Variants in EML5 observed in about 807,000 individuals in gnomAD.
The protein encoded by EML5 is echinoderm microtubule-associated protein-like 5.
Under a neutral mutation model 250.0 loss-of-function variants are expected in EML5, and 120 were observed. The ratio of observed to expected loss-of-function variants is 0.48; its 90% CI spans 0.41 to 0.56. The LOEUF is 0.56. Among genes scored for constraint, EML5 ranks in the 20% least tolerant of loss-of-function variants. The pLI, the probability that EML5 is intolerant of heterozygous loss-of-function variation, is 0.00. For missense variants in EML5, 2,006 were observed against 2,437.6 expected (o/e 0.82, Z 3.73); for synonymous variants, 771 against 806.5 (o/e 0.96, Z 0.75).
At chr14:88,746,566 T>C (rs569788341) in intron 2 of EML5, among the ~76,000 whole-genome samples, 6 of 152,104 alleles carry the variant, frequency 3.9e-5, no homozygotes, top group African/African-American at 1.2e-4. Context: ...CTAAAAATAC[T>C]AGATAAAATG....
At chr14:88,669,959 A>G (rs1201226990) in intron 21 of EML5, among the ~76,000 whole-genome samples, 1 of 152,100 alleles carries the variant, frequency 6.6e-6, no homozygotes, top group Non-Finnish European at 1.5e-5. Flanking sequence ...GACCCAGGCA[A>G]AGAAGGTCTG....
intron 41 of EML5, 122 bp from the exon 42 acceptor site, chr14:88,617,001 A>G (rs1255402497): frequency 1.2e-6 from 1 of 849,626 alleles, no homozygotes; most frequent in Non-Finnish European, 1.8e-6. Flanking sequence ...TACAGGAAGT[A>G]AATTATGGTA....
chr14:88,617,095 T>G, intron 41 of EML5: 1 of 416,900 alleles, frequency 2.4e-6, no homozygotes, highest in Non-Finnish European at 4.3e-6. Context: ...GGTTTCTAGA[T>G]TAATCTTTTT....
intron 33 of EML5, among the ~76,000 whole-genome samples, chr14:88,632,177 T>C (rs1481553212): frequency 6.6e-6 from 1 of 152,178 alleles, no homozygotes; most frequent in African/African-American, 2.4e-5. Context: ...CACTATGTCA[T>C]ACGCCCATAC....
Position 88,792,815 on chromosome 14 carries a change from G to C in EML5, c.-312C>G. On this transcript the variant is annotated 5_prime_UTR_variant, in exon 1 of 44. Transcript: ENST00000554922. The surrounding 1 kb of genome is among the most constrained non-coding windows in gnomAD (Gnocchi z 6.9). ...CCCGTAGCGCCTGGGCCGAGAGCGA[G>C]GGCCCGCCTCCAGCTCCTCAGCCGC... 1 of 915,990 alleles carries C rather than the reference G, an allele frequency of 1.1e-6. No homozygotes were observed. Among genetic ancestry groups the C allele is most frequent in the Non-Finnish European group, 1.3e-6 (1 of 763,046 alleles). The allele number at this position is 915,990 out of a possible 1,614,324, so 56.7% of individuals were successfully genotyped here. A position where few individuals can be genotyped will look rare whatever the true frequency, so the allele number is the denominator to read the frequency against.
chr14:88,759,805 G>A lies in EML5; in HGVS notation c.198-5134C>T, dbSNP rs369551011. On this transcript the variant is annotated intron_variant, in intron 1 of 43. Transcript: ENST00000554922. ...TCAAGTTAGAGAAAAAGGATAGGGT[G>A]GGTCCGTGTTTAGATTTATAAGAAA... Among the ~76,000 whole-genome samples, 21 of 152,100 alleles carry A rather than the reference G, an allele frequency of 1.4e-4. No individual in the cohort carries two copies. In the East Asian group the frequency reaches 2.1e-3, roughly 15 times the overall value.
chr14:88,781,291 TA>T (rs2140772496), intron 1 of EML5, among the ~76,000 whole-genome samples: 1 of 152,336 alleles, frequency 6.6e-6, no homozygotes, highest in African/African-American at 2.4e-5. Context: ...AACTTTCCAG[TA>T]GGGTAAAACT....
At chr14:88,662,286 T>TA (rs5810420) in intron 24 of EML5, among the ~76,000 whole-genome samples, 47,725 of 103,330 alleles carry the variant, frequency 0.46, 9,273 homozygotes, top group East Asian at 0.63. Flanking sequence ...AGATAAAAAA[T>TA]AAAAAAAAAA....
At chr14:88,720,612 T>C (rs1381487628) in intron 8 of EML5, among the ~76,000 whole-genome samples, 1 of 152,148 alleles carries the variant, frequency 6.6e-6, no homozygotes, top group African/African-American at 2.4e-5. Flanking sequence ...AAACTAGATA[T>C]TGAAGGAACA....
At chr14:88,643,085 G>A (rs1392438524) in intron 30 of EML5, 63 bp from the exon 31 acceptor site, 3 of 1,450,592 alleles carry the variant, frequency 2.1e-6, no homozygotes, top group Non-Finnish European at 2.8e-6. Context: ...CCACTGTTTT[G>A]TTGTATACGT....
At chr14:88,653,801 C>A (rs2091749240) in intron 27 of EML5, among the ~76,000 whole-genome samples, 1 of 152,150 alleles carries the variant, frequency 6.6e-6, no homozygotes, top group Admixed American at 6.5e-5. Flanking sequence ...CAAGATGATG[C>A]AGACCTCATA....
At chr14:88,775,464 G>A (rs943852698) in intron 1 of EML5, among the ~76,000 whole-genome samples, 2 of 151,720 alleles carry the variant, frequency 1.3e-5, no homozygotes, top group African/African-American at 4.9e-5. Flanking sequence ...AGGGAACATT[G>A]GCAGTAGTCT....
chr14:88,614,959 AAT>A lies in EML5; in HGVS notation c.*857_*858del, dbSNP rs1202063655. 5 of 151,846 alleles carry A rather than the reference AAT, an allele frequency of 3.3e-5. No homozygotes were observed. 9.4% of individuals were successfully genotyped at this position (151,846 alleles called of 1,614,324 possible). A position where few individuals can be genotyped will look rare whatever the true frequency, so the allele number is the denominator to read the frequency against. On this transcript the variant is annotated 3_prime_UTR_variant, in exon 44 of 44. Coordinates refer to ENST00000554922, the MANE Select transcript of EML5 (RefSeq NM_183387.3). ...AACACTTTTGTTTACATGTTAAACAAATGTGTATATATTAGACTACATTAAAT... is the reference window on the plus strand; with the variant it reads ...AACACTTTTGTTTACATGTTAAACAAGTGTATATATTAGACTACATTAAAT...
chr14:88,706,004 T>C, intron 11 of EML5: 2 of 532,130 alleles, frequency 3.8e-6, no homozygotes, highest in Admixed American at 3.4e-5. Flanking sequence ...AAATGTTTGT[T>C]TTGCTATTAA....
rs146630689 is a variant in EML5 at position 88,711,188 on chromosome 14, A to G, written c.1657+1083T>C. 1.0e-3 allele frequency among the ~76,000 whole-genome samples: 156 copies of G among 151,636 alleles called. 1 individual carries two copies. The highest frequency in any genetic ancestry group is 3.2e-3 in the African/African-American group (132 of 41,228). On this transcript the variant is annotated intron_variant, in intron 10 of 43. Transcript: ENST00000554922. ...AGAAATAGGGTACTTTAATTGTTAG[A>G]TATTTAGCCAGTCTTTTGATATGGT...
chr14:88,712,816 G>A (rs1207859083), intron 9 of EML5, among the ~76,000 whole-genome samples: 2 of 152,064 alleles, frequency 1.3e-5, no homozygotes, highest in African/African-American at 2.4e-5. Flanking sequence ...TATAAAAAAG[G>A]TAAAAGCTAT....
At chr14:88,719,737 C>T (rs899853190) in intron 8 of EML5, among the ~76,000 whole-genome samples, 1 of 151,712 alleles carries the variant, frequency 6.6e-6, no homozygotes, top group African/African-American at 2.4e-5. Context: ...AAAGGACTTT[C>T]CAATGCTACT....
In EML5 at chr14:88,616,788, G is replaced by T; in HGVS notation, c.5734C>A (p.Leu1912Ile). Residue 1912 changes from leucine to isoleucine, a missense_variant, in exon 42 of 44, where the codon CTT becomes ATT. By Grantham distance (5) the Leu-to-Ile change is conservative. Around this residue, in one of 7 missense-constraint regions of EML5, gnomAD observed 405 missense variants for 523.3 expected, o/e 0.77. Transcript: ENST00000554922. ...CACVSHSGIS[L>I]VTGDDFGMVK... is the part of the protein sequence containing the mutation. ...ATGCCAAAGTCATCTCCTGTAACAA[G>T]ACTGATTCCTGAATGAGATACACAG... 6.2e-7 allele frequency: 1 copy of T among 1,613,906 alleles called. No individual in the cohort carries two copies. The highest frequency in any genetic ancestry group is 8.5e-7 in the Non-Finnish European group (1 of 1,179,844).
chr14:88,723,342 A>G (rs1217184452), intron 8 of EML5, among the ~76,000 whole-genome samples: 1 of 152,182 alleles, frequency 6.6e-6, no homozygotes, highest in Non-Finnish European at 1.5e-5. Flanking sequence ...TTAGTGAAAT[A>G]AACCAGGCAG....
Sources: gnomAD v4.1 joint callset for allele counts (sites outside exome capture counted in the v4.1 genomes callset) on GRCh38, gnomAD v4.1.1 for gene constraint, gnomAD v4.1.1 regional missense constraint, Gnocchi (gnomAD v3.1) non-coding constraint, MANE v1.5 for transcripts, NCBI Gene and HGNC (gene_info 2026-07-23, HGNC 2026-07-21) for gene names.